Variants in SAMD12 observed in about 807,000 individuals in gnomAD.
SAMD12 encodes the protein sterile alpha motif domain containing 12, also known as sterile alpha motif domain-containing protein 12.
A neutral mutation model predicts 15.0 loss-of-function variants in SAMD12; 9 were observed. That is an observed-to-expected ratio of 0.60 (90% CI 0.36 to 1.05). The LOEUF is 1.05. Among genes scored for constraint, SAMD12 ranks in the 50% least tolerant of loss-of-function variants. The pLI is 0.01. For missense variants in SAMD12, 230 were observed against 234.2 expected (o/e 0.98, Z 0.12); for synonymous variants, 86 against 90.1 (o/e 0.96, Z 0.25).
At chr8:118,132,355 C>T in the SAMD12 span, among the ~76,000 whole-genome samples, 7 of 152,136 alleles carry the variant, frequency 4.6e-5, no homozygotes, top group African/African-American at 1.7e-4. Context: ...CAGCAGTGTC[C>T]CCAATTCTGC....
intron 4 of SAMD12, among the ~76,000 whole-genome samples, chr8:118,366,766 C>A (rs1033103090): frequency 2.7e-5 from 4 of 150,632 alleles, no homozygotes; most frequent in Non-Finnish European, 5.9e-5. Context: ...GAACCCAGAT[C>A]GCGCCATTGC....
At chr8:118,150,034 A>G in the SAMD12 span, among the ~76,000 whole-genome samples, 1 of 152,104 alleles carries the variant, frequency 6.6e-6, no homozygotes, top group Non-Finnish European at 1.5e-5. Context: ...TCACCAGGGG[A>G]TATTTAATAA....
downstream of SAMD12, among the ~76,000 whole-genome samples, chr8:118,187,803 G>A (rs1819269380): frequency 6.6e-6 from 1 of 152,114 alleles, no homozygotes; most frequent in Non-Finnish European, 1.5e-5. Context: ...ATTACTATGA[G>A]TTGATTTGTT....
intron 4 of SAMD12, among the ~76,000 whole-genome samples, chr8:118,255,338 ATTTC>A (rs1027454668): frequency 1.8e-4 from 28 of 151,772 alleles, no homozygotes; most frequent in African/African-American, 6.8e-4. Context: ...TGCTATTAAC[ATTTC>A]TTTATTTTAT....
rs553493122 is a variant in SAMD12 at position 118,591,239 on chromosome 8, G to A, written c.14-10346C>T. On this transcript the variant is annotated intron_variant, in intron 1 of 3. Transcript: ENST00000314727. ...CTAGATATATTTTATTTTTCAAAGC[G>A]TTTATAAATGACTTTTGATTTACAT... is the stretch of plus-strand genomic sequence containing the variant. 1.0e-3 allele frequency among the ~76,000 whole-genome samples: 154 copies of A among 150,160 alleles called. 1 individual carries two copies. Among genetic ancestry groups the A allele is most frequent in the Non-Finnish European group, 1.7e-3 (114 of 67,454 alleles).
At chr8:118,201,319 C>A (rs888163026) in intron 4 of SAMD12, among the ~76,000 whole-genome samples, 2 of 152,078 alleles carry the variant, frequency 1.3e-5, no homozygotes, top group African/African-American at 4.8e-5. Context: ...TCTTTATATA[C>A]CCTCTAGCAT....
At chr8:118,586,544 T>G (rs1373272137) in intron 1 of SAMD12, among the ~76,000 whole-genome samples, 1 of 152,112 alleles carries the variant, frequency 6.6e-6, no homozygotes, top group African/African-American at 2.4e-5. Context: ...GGTTCTGCCA[T>G]GTTGCCCAGG....
chr8:118,189,069 T>C (rs1025397041), downstream of SAMD12, among the ~76,000 whole-genome samples: 1 of 152,140 alleles, frequency 6.6e-6, no homozygotes, highest in Non-Finnish European at 1.5e-5. Flanking sequence ...AGGAAATCGG[T>C]GGGCCAAGAT....
At chr8:118,153,706 G>A in the SAMD12 span, among the ~76,000 whole-genome samples, 1 of 152,068 alleles carries the variant, frequency 6.6e-6, no homozygotes, top group African/African-American at 2.4e-5. Context: ...GATGACCAGA[G>A]GCTACACCAT....
the SAMD12 span, among the ~76,000 whole-genome samples, chr8:118,137,110 C>A: frequency 6.6e-6 from 1 of 152,132 alleles, no homozygotes; most frequent in Non-Finnish European, 1.5e-5. Flanking sequence ...CTCCAGGGCC[C>A]CAGTTACAGA....
At chr8:118,534,312 G>A (rs565323954) in intron 2 of SAMD12, among the ~76,000 whole-genome samples, 37 of 152,174 alleles carry the variant, frequency 2.4e-4, no homozygotes, top group South Asian at 8.3e-4. Flanking sequence ...AGAGAGATCC[G>A]CTGTTAGTCT....
In SAMD12 at chr8:118,324,715, C is replaced by T. The variant is rs546390003; in HGVS notation, c.433+54845G>A. ...ATGGGTAGAAAGAAGATTGCCCAGT[C>T]GCATGGGCCAAAGTAAACAGAAGCA... On this transcript the variant is annotated intron_variant, in intron 4 of 4. Coordinates refer to the SAMD12 transcript ENST00000409003. Among the ~76,000 whole-genome samples, 8 of 152,242 alleles carry T rather than the reference C, an allele frequency of 5.3e-5. No homozygotes were observed. In the East Asian group the frequency reaches 9.7e-4, roughly 18 times the overall value.
chr8:118,145,957 A>G, the SAMD12 span, among the ~76,000 whole-genome samples: 2,156 of 152,318 alleles, frequency 0.014, 51 homozygotes, highest in African/African-American at 0.049. Flanking sequence ...TTGCAGCTAA[A>G]TAGCCAGTTC....
At chr8:118,179,358 A>ACC in the SAMD12 span, among the ~76,000 whole-genome samples, 4 of 150,968 alleles carry the variant, frequency 2.6e-5, no homozygotes, top group South Asian at 8.4e-4. Flanking sequence ...AATCGCTTGA[A>ACC]CCTGGGAGGC....
chr8:118,189,946 G>GAAAAAAAAAAAAAAAAA (rs895075538), exon 5 of SAMD12: 1 of 69,054 alleles, frequency 1.4e-5, no homozygotes, highest in African/African-American at 5.4e-5. Context: ...ATGCACAGAG[G>GAAAAAAAAAAAAAAAAA]AAAAAAAAAA....
chr8:118,355,547 A>G (rs73325633), intron 4 of SAMD12, among the ~76,000 whole-genome samples: 5,687 of 152,294 alleles, frequency 0.037, 347 homozygotes, highest in African/African-American at 0.13. Flanking sequence ...AGGAACTACT[A>G]ATAATTAACG....
chr8:118,212,662 G>C (rs1811862868), intron 4 of SAMD12, among the ~76,000 whole-genome samples: 1 of 152,140 alleles, frequency 6.6e-6, no homozygotes, highest in Non-Finnish European at 1.5e-5. Flanking sequence ...CTGTTTCTTT[G>C]ACTTTTGGCA....
chr8:118,299,596 G>C (rs1045882254), intron 4 of SAMD12, among the ~76,000 whole-genome samples: 3 of 152,184 alleles, frequency 2.0e-5, no homozygotes, highest in African/African-American at 4.8e-5. Context: ...AATGGGTTTT[G>C]AGTGAGAGGA....
At chr8:118,191,797 TATATATATATATATAGAG>T (rs1182868118) in exon 5 of SAMD12, 17 of 45,920 alleles carry the variant, frequency 3.7e-4, no homozygotes, top group South Asian at 7.9e-4. Flanking sequence ...TATATATATA[TATATATATATATATAGAG>T]AGAGAGAGAG....
Sources: allele counts gnomAD v4.1 joint callset (sites outside exome capture counted in the v4.1 genomes callset), GRCh38; gene constraint gnomAD v4.1.1; transcripts MANE v1.5; gene names NCBI Gene and HGNC (gene_info 2026-07-23, HGNC 2026-07-21).